Variants in HNRNPUL1 observed in about 807,000 individuals in gnomAD.
The protein encoded by HNRNPUL1 is heterogeneous nuclear ribonucleoprotein U like 1.
HNRNPUL1 carries 14 observed loss-of-function variants against 108.5 expected under a neutral mutation model. That is an observed-to-expected ratio of 0.13 (90% CI 0.09 to 0.20). HNRNPUL1 has a LOEUF of 0.20. Ranked by LOEUF, HNRNPUL1 falls within the 10% of genes least tolerant of loss-of-function variation. The pLI, the probability that HNRNPUL1 is intolerant of heterozygous loss-of-function variation, is 1.00. For missense variants in HNRNPUL1, 804 were observed against 1,168.3 expected (o/e 0.69, Z 4.55); for synonymous variants, 422 against 445.2 (o/e 0.95, Z 0.66).
chr19:41,280,922 CAG>C (rs2035863685), intron 6 of HNRNPUL1: 3 of 464,754 alleles, frequency 6.5e-6, no homozygotes, highest in South Asian at 2.4e-5. Context: ...CCCCTCTGTG[CAG>C]AGTTATTCAG....
At chr19:41,274,096 A>C in intron 4 of HNRNPUL1, 41 bp downstream of exon 4, 1 of 1,531,482 alleles carries the variant, frequency 6.5e-7, no homozygotes, top group Non-Finnish European at 9.1e-7. Context: ...CCTTACAGTC[A>C]GTATGGGGAA....
chr19:41,280,989 A>G, intron 6 of HNRNPUL1, 174 bp from the exon 7 acceptor site: 1 of 561,436 alleles, frequency 1.8e-6, no homozygotes, highest in Non-Finnish European at 3.2e-6. Flanking sequence ...TCCAAGTTCT[A>G]CATCATTAAG....
At chr19:41,305,890 A>G (rs769683315) in intron 14 of HNRNPUL1, 23 bp downstream of exon 14, 12 of 1,494,640 alleles carry the variant, frequency 8.0e-6, no homozygotes, top group Admixed American at 7.1e-5. Flanking sequence ...CTGGGGGCCA[A>G]CTGGATGGAG....
At chr19:41,274,869 A>G (rs145851748) in intron 4 of HNRNPUL1, among the ~76,000 whole-genome samples, 44 of 152,336 alleles carry the variant, frequency 2.9e-4, no homozygotes, top group South Asian at 1.0e-3. Flanking sequence ...CTCGAAAACA[A>G]CATCTACCCA....
intron 7 of HNRNPUL1, among the ~76,000 whole-genome samples, chr19:41,289,635 A>T (rs1164858544): frequency 6.6e-6 from 1 of 150,402 alleles, no homozygotes; most frequent in Admixed American, 6.6e-5. Context: ...TCTGTGCATT[A>T]TGGGAAGTTC....
intron 1 of HNRNPUL1, chr19:41,265,130 T>C (rs1029423017): frequency 1.4e-6 from 2 of 1,396,828 alleles, no homozygotes; most frequent in Non-Finnish European, 1.9e-6. Flanking sequence ...AGGTTTTCCG[T>C]TTGGGTTGGG....
At chr19:41,295,674 C>T (rs998182925) in intron 10 of HNRNPUL1, among the ~76,000 whole-genome samples, 1 of 152,218 alleles carries the variant, frequency 6.6e-6, no homozygotes, top group Admixed American at 6.5e-5. Context: ...ACACCCTGCC[C>T]TTGTAGCCTT....
Position 41,264,498 on chromosome 19 carries a change from C to T in HNRNPUL1, c.-6C>T, listed in dbSNP as rs964326367. Reference sequence around the variant, plus strand: ...GGGCTCGGGGGCCACCCCGGGGGCCCGGGCCATGGATGTGCGCCGTCTGAA... The same window carrying T: ...GGGCTCGGGGGCCACCCCGGGGGCCTGGGCCATGGATGTGCGCCGTCTGAA... On this transcript the variant is annotated 5_prime_UTR_variant, in exon 1 of 15. Coordinates refer to ENST00000392006, the MANE Select transcript of HNRNPUL1 (RefSeq NM_007040.6). 14 of 1,363,738 alleles carry T rather than the reference C, an allele frequency of 1.0e-5. No individual in the cohort carries two copies. In the African/African-American group the frequency reaches 1.8e-4, roughly 18 times the overall value. The allele number at this position is 1,363,738 out of a possible 1,614,324, so 84.5% of individuals were successfully genotyped here. A position where few individuals can be genotyped will look rare whatever the true frequency, so the allele number is the denominator to read the frequency against.
At chr19:41,276,122 A>G (rs200747059) in intron 4 of HNRNPUL1, 37 bp from the exon 5 acceptor site, 145 of 1,613,246 alleles carry the variant, frequency 9.0e-5, no homozygotes, top group Non-Finnish European at 1.1e-4. Flanking sequence ...AAAACAAAAT[A>G]AAAACATCAG....
In HNRNPUL1 at chr19:41,306,612, C is replaced by A; in HGVS notation, c.*47C>A. On this transcript the variant is annotated 3_prime_UTR_variant, in exon 15 of 15. Transcript: ENST00000392006. ...CGGAGGCCCCTGCCGGCTTCCTCCA[C>A]CAGCGCCTGCCTCGGCCCCTCCTCT... is the stretch of plus-strand genomic sequence containing the variant. 2 of 1,231,924 alleles carry A rather than the reference C, an allele frequency of 1.6e-6. No homozygotes were observed. Among genetic ancestry groups the A allele is most frequent in the Non-Finnish European group, 2.2e-6 (2 of 901,472 alleles). 76.3% of individuals were successfully genotyped at this position (1,231,924 alleles called of 1,614,324 possible).
At chr19:41,302,214 GTTTTTTTT>G (rs58368849) in intron 11 of HNRNPUL1, among the ~76,000 whole-genome samples, 1 of 92,430 alleles carries the variant, frequency 1.1e-5, no homozygotes, top group Non-Finnish European at 2.1e-5. Context: ...CTCTCTCTCT[GTTTTTTTT>G]TTTTTTTTTT....
At chr19:41,283,401 C>T (rs1173191034) in intron 7 of HNRNPUL1, among the ~76,000 whole-genome samples, 2 of 152,234 alleles carry the variant, frequency 1.3e-5, no homozygotes, top group African/African-American at 4.8e-5. Flanking sequence ...GTGCCTCAGC[C>T]ACCCGAATAG....
chr19:41,304,705 G>A (rs964649852), intron 13 of HNRNPUL1, among the ~76,000 whole-genome samples: 1 of 152,232 alleles, frequency 6.6e-6, no homozygotes, highest in African/African-American at 2.4e-5. Context: ...TGCACAGAGA[G>A]CTTCAATCCT....
chr19:41,281,422 C>T (rs2035892585), intron 7 of HNRNPUL1, 147 bp downstream of exon 7: 3 of 612,780 alleles, frequency 4.9e-6, no homozygotes, highest in South Asian at 3.8e-5. Context: ...GGAATGTTTA[C>T]TGTCATTTTG....
At chr19:41,303,876 G>A in intron 12 of HNRNPUL1, 96 bp from the exon 13 acceptor site, 1 of 1,453,458 alleles carries the variant, frequency 6.9e-7, no homozygotes, top group Non-Finnish European at 9.3e-7. Flanking sequence ...TCTGCGCCTG[G>A]CCATGCCGGC....
At chr19:41,303,946 C>CT (rs1568461257) in intron 12 of HNRNPUL1, 26 bp from the exon 13 acceptor site, 1 of 1,586,892 alleles carries the variant, frequency 6.3e-7, no homozygotes, top group Non-Finnish European at 8.6e-7. Context: ...ATGATGGCGC[C>CT]TTTCATCTGG....
chr19:41,278,310 C>A (rs1417618864), intron 5 of HNRNPUL1: 1 of 152,074 alleles, frequency 6.6e-6, no homozygotes, highest in South Asian at 2.1e-4. Flanking sequence ...ATCCACCCAC[C>A]TTGGCCTCCC....
chr19:41,305,572 T>C, intron 13 of HNRNPUL1, 104 bp from the exon 14 acceptor site: 3 of 1,407,762 alleles, frequency 2.1e-6, no homozygotes, highest in Non-Finnish European at 3.0e-6. Context: ...GAAGGGCCCC[T>C]GTGGGCCAAC....
rs961118496 is a variant in HNRNPUL1 at position 41,303,036 on chromosome 19, T to C, written c.1972+87T>C. 17 of 1,389,320 alleles carry C rather than the reference T, an allele frequency of 1.2e-5. No individual in the cohort carries two copies. In the African/African-American group the frequency reaches 2.2e-4, roughly 18 times the overall value. 86.1% of individuals were successfully genotyped at this position (1,389,320 alleles called of 1,614,324 possible). A position where few individuals can be genotyped will look rare whatever the true frequency, so the allele number is the denominator to read the frequency against. ...CTGCTTATTCAATCAGCAACTGAAGTTTTCTGAGCTCCAGCTGTGAGTTAT... is the reference window on the plus strand; with the variant it reads ...CTGCTTATTCAATCAGCAACTGAAGCTTTCTGAGCTCCAGCTGTGAGTTAT... On this transcript the variant is annotated intron_variant, in intron 12 of 14. Transcript: ENST00000392006.
Sources: gnomAD v4.1 joint callset for allele counts (sites outside exome capture counted in the v4.1 genomes callset) on GRCh38, gnomAD v4.1.1 for gene constraint, MANE v1.5 for transcripts, NCBI Gene and HGNC (gene_info 2026-07-23, HGNC 2026-07-21) for gene names.